The following PDK1 variants were observed in gnomAD, a reference collection of about 807,000 sequenced individuals.
PDK1 encodes the protein [Pyruvate dehydrogenase (acetyl-transferring)] kinase isozyme 1, mitochondrial.
Under a neutral mutation model 54.2 loss-of-function variants are expected in PDK1, and 39 were observed. The observed-to-expected ratio is 0.72, with a 90% CI of 0.56 to 0.94. The LOEUF (loss-of-function observed/expected upper bound fraction) is 0.94, where lower values mean the gene tolerates loss of function less well. Ranked by LOEUF, PDK1 falls within the 40% of genes least tolerant of loss-of-function variation. The pLI, the probability that PDK1 is intolerant of heterozygous loss-of-function variation, is 0.00. For synonymous variants in PDK1, 221 were observed against 207.1 expected (o/e 1.07, Z -0.58); for missense variants, 552 against 566.0 (o/e 0.98, Z 0.25).
intron 3 of PDK1, among the ~76,000 whole-genome samples, chr2:172,563,063 G>T (rs1688741325): frequency 6.6e-6 from 1 of 152,288 alleles, no homozygotes; most frequent in East Asian, 1.9e-4. Context: ...TTACATGAAT[G>T]ATGTTTTTTA....
In PDK1 at chr2:172,605,341, GACTGTCC is replaced by G. The variant is rs1202829137; in HGVS notation, c.*9374_*9380del. 1 of 150,130 alleles carries G rather than the reference GACTGTCC, an allele frequency of 6.7e-6. No individual in the cohort carries two copies. Among genetic ancestry groups the G allele is most frequent in the Non-Finnish European group, 1.5e-5 (1 of 67,840 alleles). The allele number at this position is 150,130 out of a possible 1,614,324, so 9.3% of individuals were successfully genotyped here. The stretch of plus-strand genomic sequence containing the variant: ...AAAGATATGTGAGTGGAGCTAACTA[GACTGTCC>G]AGGTTTGGTCTACACTGTAATTTTT... On this transcript the variant is annotated 3_prime_UTR_variant, in exon 11 of 11. Transcript: ENST00000282077.
At chr2:172,704,042 G>A in the PDK1 span, among the ~76,000 whole-genome samples, 1 of 151,942 alleles carries the variant, frequency 6.6e-6, no homozygotes, top group African/African-American at 2.4e-5. Flanking sequence ...CCAAAGTGCT[G>A]GGATTACACG....
At chr2:172,611,094 T>C (rs1330924130), downstream of PDK1, among the ~76,000 whole-genome samples, 2 of 152,004 alleles carry the variant, frequency 1.3e-5, no homozygotes, top group African/African-American at 4.8e-5. Context: ...ATAAAGCCAA[T>C]AAAATCAGAG....
At chr2:172,653,375 C>G in the PDK1 span, among the ~76,000 whole-genome samples, 54 of 152,064 alleles carry the variant, frequency 3.6e-4, no homozygotes, top group Middle Eastern at 6.8e-3. Context: ...GGCTAAGGTG[C>G]GTGGATCACC....
At chr2:172,565,136 A>G in intron 5 of PDK1, 63 bp downstream of exon 5, 1 of 942,022 alleles carries the variant, frequency 1.1e-6, no homozygotes, top group East Asian at 2.5e-5. Flanking sequence ...GTTATTTCTT[A>G]CTATTAAAAC....
chr2:172,641,299 C>A, the PDK1 span, among the ~76,000 whole-genome samples: 52 of 152,022 alleles, frequency 3.4e-4, no homozygotes, highest in Admixed American at 3.0e-3. Flanking sequence ...CTGGCTAATT[C>A]TTTTTTCCTT....
intron 9 of PDK1, among the ~76,000 whole-genome samples, chr2:172,590,877 A>G (rs1690534415): frequency 6.6e-6 from 1 of 151,992 alleles, no homozygotes; most frequent in South Asian, 2.1e-4. Context: ...AAAGTTCTCC[A>G]AGTCCCCACC....
the PDK1 span, among the ~76,000 whole-genome samples, chr2:172,621,643 A>T: frequency 6.8e-6 from 1 of 146,230 alleles, no homozygotes; most frequent in African/African-American, 2.5e-5. Flanking sequence ...ATGTTTATAT[A>T]TCATATATGT....
At position 172,606,751 on chromosome 2, in the gene PDK1, A is replaced by C. The variant is rs1380855943; in HGVS notation, c.*10782A>C. On this transcript the variant is annotated 3_prime_UTR_variant, in exon 11 of 11. Coordinates refer to ENST00000282077, the MANE Select transcript of PDK1 (RefSeq NM_002610.5). ...TTCCTTTTTTTTTTAAAAAAAAAAA[A>C]AAACCTTTTTCATGTTGAAGTTCAC... The C allele has an allele frequency of 6.6e-6, 1 of 151,988 alleles. No homozygotes were observed. The highest frequency in any genetic ancestry group is 1.5e-5 in the Non-Finnish European group (1 of 68,014). The allele number at this position is 151,988 out of a possible 1,614,324, so 9.4% of individuals were successfully genotyped here. A position where few individuals can be genotyped will look rare whatever the true frequency, so the allele number is the denominator to read the frequency against.
rs903979212 is a variant in PDK1 at position 172,605,323 on chromosome 2, T to C, written c.*9354T>C. 1.3e-5 allele frequency: 2 copies of C among 151,530 alleles called. No individual in the cohort carries two copies. The highest frequency in any genetic ancestry group is 2.9e-5 in the Non-Finnish European group (2 of 68,024). The allele number at this position is 151,530 out of a possible 1,614,324, so 9.4% of individuals were successfully genotyped here. A position where few individuals can be genotyped will look rare whatever the true frequency, so the allele number is the denominator to read the frequency against. On this transcript the variant is annotated 3_prime_UTR_variant, in exon 11 of 11. Transcript: ENST00000282077. ...TCAAGAGCCTCTGAGCTTAAAGATA[T>C]GTGAGTGGAGCTAACTAGACTGTCC...
At chr2:172,667,513 A>G in the PDK1 span, among the ~76,000 whole-genome samples, 1 of 152,204 alleles carries the variant, frequency 6.6e-6, no homozygotes, top group African/African-American at 2.4e-5. Context: ...AACATTTGCT[A>G]TCTCTGGAAA....
At chr2:172,698,130 A>G in the PDK1 span, among the ~76,000 whole-genome samples, 1 of 152,228 alleles carries the variant, frequency 6.6e-6, no homozygotes, top group East Asian at 1.9e-4. Context: ...GCGAGATGAA[A>G]TACTTCCTAA....
At chr2:172,629,464 A>C in the PDK1 span, among the ~76,000 whole-genome samples, 1 of 152,116 alleles carries the variant, frequency 6.6e-6, no homozygotes, top group South Asian at 2.1e-4. Flanking sequence ...TTTGACAGTG[A>C]GATCTCAGAG....
Position 172,605,712 on chromosome 2 carries a change from G to C in PDK1, c.*9743G>C, listed in dbSNP as rs1691269828. 6.6e-6 allele frequency: 1 copy of C among 152,130 alleles called. No individual in the cohort carries two copies. Among genetic ancestry groups the C allele is most frequent in the Non-Finnish European group, 1.5e-5 (1 of 68,030 alleles). The allele number at this position is 152,130 out of a possible 1,614,324, so 9.4% of individuals were successfully genotyped here. On this transcript the variant is annotated 3_prime_UTR_variant, in exon 11 of 11. Coordinates refer to ENST00000282077, the MANE Select transcript of PDK1 (RefSeq NM_002610.5). ...TTGAGTCGGCACTGAGCTCATGAAA[G>C]CTGTGCTGAGTGGGTTTCTTTAGAT...
At chr2:172,672,276 G>C in the PDK1 span, among the ~76,000 whole-genome samples, 4 of 152,202 alleles carry the variant, frequency 2.6e-5, no homozygotes, top group East Asian at 7.7e-4. Flanking sequence ...AAACTCTCTT[G>C]CTAAGTCATA....
At chr2:172,708,701 T>TAA in the PDK1 span, among the ~76,000 whole-genome samples, 1 of 152,204 alleles carries the variant, frequency 6.6e-6, no homozygotes, top group African/African-American at 2.4e-5. Flanking sequence ...TACATATATA[T>TAA]AATATGAAAA....
chr2:172,630,900 G>GA, the PDK1 span, among the ~76,000 whole-genome samples: 1 of 152,150 alleles, frequency 6.6e-6, no homozygotes, highest in Non-Finnish European at 1.5e-5. Flanking sequence ...AAAGTGCTGG[G>GA]TTTATAGGCA....
downstream of PDK1, among the ~76,000 whole-genome samples, chr2:172,613,117 C>A (rs180903215): frequency 1.3e-4 from 20 of 152,300 alleles, no homozygotes; most frequent in East Asian, 3.9e-3. Context: ...GCATAGAGAA[C>A]CTCAGACCAT....
At chr2:172,704,237 G>A in the PDK1 span, among the ~76,000 whole-genome samples, 1 of 152,120 alleles carries the variant, frequency 6.6e-6, no homozygotes, top group Non-Finnish European at 1.5e-5. Context: ...GCACGACAGC[G>A]ATGGTGAGAC....
Sources: gnomAD v4.1 joint callset for allele counts (sites outside exome capture counted in the v4.1 genomes callset) on GRCh38, gnomAD v4.1.1 for gene constraint, MANE v1.5 for transcripts, NCBI Gene and HGNC (gene_info 2026-07-23, HGNC 2026-07-21) for gene names.